Variants in EVL observed in about 807,000 individuals in gnomAD.
The protein encoded by EVL is Enah/Vasp-like.
Under a neutral mutation model 59.6 loss-of-function variants are expected in EVL, and 21 were observed. The ratio of observed to expected loss-of-function variants is 0.35; its 90% CI spans 0.25 to 0.51. The LOEUF (loss-of-function observed/expected upper bound fraction) is 0.51, where lower values mean the gene tolerates loss of function less well. EVL is among the 20% of genes least tolerant of loss of function. EVL has a pLI of 0.97. For missense variants in EVL, 462 were observed against 546.6 expected, an observed-to-expected ratio of 0.85 and a Z score of 1.54; for synonymous variants, 198 against 203.5, an observed-to-expected ratio of 0.97 and a Z score of 0.23.
intron 1 of EVL, among the ~76,000 whole-genome samples, chr14:99,975,821 C>A (rs2060766557): frequency 6.6e-6 from 1 of 152,086 alleles, no homozygotes; most frequent in Non-Finnish European, 1.5e-5. Flanking sequence ...GTTGAGGACC[C>A]CCATGTTATT....
In EVL at chr14:100,046,072, A is replaced by G. The variant is rs1187038216; in HGVS notation, c.6-38615A>G. Among the ~76,000 whole-genome samples, 4 of 152,344 alleles carry G rather than the reference A, an allele frequency of 2.6e-5. No individual in the cohort carries two copies. In the East Asian group the frequency reaches 7.7e-4, roughly 29 times the overall value. On this transcript the variant is annotated intron_variant, in intron 1 of 13. Transcript: ENST00000402714. ...AAAAAGTGTTGAAATTTCAAATTGTAGGATTCCTTTCTCTGTAAAGGCCTC... is the reference window on the plus strand; with the variant it reads ...AAAAAGTGTTGAAATTTCAAATTGTGGGATTCCTTTCTCTGTAAAGGCCTC...
At chr14:100,068,246 G>A (rs923862211) in intron 1 of EVL, among the ~76,000 whole-genome samples, 24 of 152,276 alleles carry the variant, frequency 1.6e-4, no homozygotes, top group African/African-American at 5.3e-4. Context: ...CTGGGGACGA[G>A]GCCCTGAGAT....
chr14:99,981,745 T>G (rs1011098531), intron 1 of EVL, among the ~76,000 whole-genome samples: 2 of 152,234 alleles, frequency 1.3e-5, no homozygotes, highest in African/African-American at 4.8e-5. Context: ...ATACCTTCAT[T>G]AGAAAATACC....
At chr14:100,138,122 T>C in intron 11 of EVL, 1 of 456,486 alleles carries the variant, frequency 2.2e-6, no homozygotes, top group Non-Finnish European at 4.0e-6. Context: ...TCTCCAAGCC[T>C]CTGTTTTCCC....
intron 1 of EVL, among the ~76,000 whole-genome samples, chr14:99,985,773 GAAAAA>G (rs11339070): frequency 1.4e-5 from 2 of 138,656 alleles, no homozygotes; most frequent in African/African-American, 2.5e-5. Flanking sequence ...ATCTCAGAAA[GAAAAA>G]AAAAAAAAAG....
At chr14:100,060,197 G>A (rs949156660) in intron 1 of EVL, among the ~76,000 whole-genome samples, 2 of 151,866 alleles carry the variant, frequency 1.3e-5, no homozygotes, top group East Asian at 1.9e-4. Context: ...TTGGGAGGCC[G>A]AGGCGGGCGG....
chr14:100,090,299 T>C (rs894870090), intron 2 of EVL, among the ~76,000 whole-genome samples: 6 of 152,176 alleles, frequency 3.9e-5, no homozygotes, highest in African/African-American at 1.4e-4. Context: ...AAACATAGAA[T>C]ATCGTTAGTA....
chr14:100,058,272 AGTT>A (rs780362940), intron 1 of EVL, among the ~76,000 whole-genome samples: 1 of 152,324 alleles, frequency 6.6e-6, no homozygotes, highest in East Asian at 1.9e-4. Context: ...AAGTCAACAC[AGTT>A]GTTGTTTATT....
chr14:100,015,432 G>A (rs1446212106), intron 1 of EVL, among the ~76,000 whole-genome samples: 2 of 152,098 alleles, frequency 1.3e-5, no homozygotes, highest in African/African-American at 4.8e-5. Flanking sequence ...GAGAAGTCCC[G>A]GGCAGCTCAC....
At chr14:99,984,145 G>T (rs556577798) in intron 1 of EVL, among the ~76,000 whole-genome samples, 1 of 152,164 alleles carries the variant, frequency 6.6e-6, no homozygotes, top group African/African-American at 2.4e-5. Context: ...CCCCCAAATC[G>T]TAGAAGCTAG....
intron 7 of EVL, among the ~76,000 whole-genome samples, chr14:100,131,813 G>C (rs866387926): frequency 8.5e-5 from 13 of 152,228 alleles, no homozygotes; most frequent in African/African-American, 3.1e-4. Flanking sequence ...GTTATAAGAA[G>C]CTGGTGTCAG....
intron 4 of EVL, among the ~76,000 whole-genome samples, chr14:100,125,006 A>C (rs534261925): frequency 1.3e-5 from 2 of 151,712 alleles, no homozygotes; most frequent in Admixed American, 1.3e-4. Flanking sequence ...ACACATGCGC[A>C]CACACACACA....
chr14:100,031,286 G>A (rs1283940868), intron 1 of EVL, among the ~76,000 whole-genome samples: 1 of 152,168 alleles, frequency 6.6e-6, no homozygotes, highest in Admixed American at 6.5e-5. Context: ...TGATTCTGAT[G>A]TACACACCTC....
chr14:100,060,388 G>A (rs1197117413), intron 1 of EVL, among the ~76,000 whole-genome samples: 8 of 144,740 alleles, frequency 5.5e-5, no homozygotes, highest in Non-Finnish European at 1.0e-4. Flanking sequence ...CCGAGATCGC[G>A]CCACTGCACT....
intron 2 of EVL, among the ~76,000 whole-genome samples, chr14:100,093,270 C>T (rs117644599): frequency 0.01 from 1,538 of 152,318 alleles, 20 homozygotes; most frequent in Non-Finnish European, 0.016. Flanking sequence ...ATTTGGCTTA[C>T]AGGGATATAT....
rs1204861706 is a variant in EVL at position 100,127,037 on chromosome 14, C to T, written c.487+266C>T. Among the ~76,000 whole-genome samples, 7 of 152,322 alleles carry T rather than the reference C, an allele frequency of 4.6e-5. No individual in the cohort carries two copies. Among genetic ancestry groups the T allele is most frequent in the East Asian group, 1.9e-4 (1 of 5,188 alleles). ...CAAGCACCTCCTGTGTCTCAGGCAC[C>T]GTGCTAAGGGCTGGGGACACAACTA... On this transcript the variant is annotated intron_variant, in intron 5 of 13. Transcript: ENST00000392920. This position sits in a 1 kb window ranked among gnomAD's most constrained non-coding sequence, Gnocchi z 4.2.
intron 1 of EVL, among the ~76,000 whole-genome samples, chr14:99,992,916 G>T: frequency 6.6e-6 from 1 of 151,998 alleles, no homozygotes; most frequent in South Asian, 2.1e-4. Context: ...TCATGAAAGG[G>T]TGTTGAATTT....
intron 1 of EVL, chr14:99,975,225 T>C (rs2060762275): frequency 6.6e-6 from 1 of 152,292 alleles, no homozygotes; most frequent in African/African-American, 2.4e-5. Context: ...TGTTGAGAAG[T>C]CACTTGTCAG....
chr14:100,068,520 G>T (rs1693090488), intron 1 of EVL, among the ~76,000 whole-genome samples: 1 of 152,182 alleles, frequency 6.6e-6, no homozygotes, highest in South Asian at 2.1e-4. Flanking sequence ...TGGCAGTGTG[G>T]CAAGAATGGA....
Sources: allele counts gnomAD v4.1 joint callset (sites outside exome capture counted in the v4.1 genomes callset), GRCh38; gene constraint gnomAD v4.1.1; non-coding constraint Gnocchi (gnomAD v3.1); transcripts MANE v1.5; gene names NCBI Gene and HGNC (gene_info 2026-07-23, HGNC 2026-07-21).